The following RAB3GAP1 variants were observed in gnomAD, a reference collection of about 807,000 sequenced individuals.
The protein encoded by RAB3GAP1 is rab3 GTPase-activating protein catalytic subunit.
RAB3GAP1 carries 86 observed loss-of-function variants against 130.7 expected under a neutral mutation model. The observed-to-expected ratio is 0.66, with a 90% CI of 0.55 to 0.79. The LOEUF (loss-of-function observed/expected upper bound fraction) is 0.79, where lower values mean the gene tolerates loss of function less well. RAB3GAP1 is among the 30% of genes least tolerant of loss of function. The pLI, the probability that RAB3GAP1 is intolerant of heterozygous loss-of-function variation, is 0.00. For missense variants in RAB3GAP1, 1,029 were observed against 1,169.4 expected, an observed-to-expected ratio of 0.88 and a Z score of 1.75; for synonymous variants, 367 against 401.7, an observed-to-expected ratio of 0.91 and a Z score of 1.03.
chr2:135,162,862 T>G lies in RAB3GAP1; in HGVS notation c.2490+11T>G, dbSNP rs201367234. ...GACAAGAAATTGGAAGTAAGTTTGATGTAGTGTCAGAATCTTGCCAAGTGT... is the reference window on the plus strand; with the variant it reads ...GACAAGAAATTGGAAGTAAGTTTGAGGTAGTGTCAGAATCTTGCCAAGTGT... On this transcript the variant is annotated intron_variant, in intron 21 of 23. Coordinates refer to ENST00000264158, the MANE Select transcript of RAB3GAP1 (RefSeq NM_012233.3). The G allele has an allele frequency of 3.4e-5, 54 of 1,602,138 alleles. No individual in the cohort carries two copies. Among genetic ancestry groups the G allele is most frequent in the East Asian group, 2.9e-4 (13 of 44,810 alleles).
At position 135,153,638 on chromosome 2, in the gene RAB3GAP1, T is replaced by C; in HGVS notation, c.2062-11T>C. On this transcript the variant is annotated splice_polypyrimidine_tract_variant and intron_variant, in intron 18 of 23. Transcript: ENST00000264158. The stretch of plus-strand genomic sequence containing the variant: ...CATTTGATTCTGCTGAATTTTTTTG[T>C]CTTATTTTAGGCAGCTAATCCAGGT... 1 of 1,613,046 alleles carries C rather than the reference T, an allele frequency of 6.2e-7. No homozygotes were observed. The highest frequency in any genetic ancestry group is 1.1e-5 in the South Asian group (1 of 91,056).
downstream of RAB3GAP1, among the ~76,000 whole-genome samples, chr2:135,174,596 T>C (rs1192013690): frequency 6.6e-6 from 1 of 152,208 alleles, no homozygotes; most frequent in African/African-American, 2.4e-5. Flanking sequence ...CAGGACGATT[T>C]GAGTAAATAA....
intron 3 of RAB3GAP1, among the ~76,000 whole-genome samples, chr2:135,063,064 A>C (rs1689221510): frequency 6.6e-6 from 1 of 152,208 alleles, no homozygotes; most frequent in South Asian, 2.1e-4. Context: ...TGCTGCAAGT[A>C]GACATCCTTG....
intron 17 of RAB3GAP1, among the ~76,000 whole-genome samples, chr2:135,143,715 G>A (rs1221367032): frequency 2.6e-5 from 4 of 151,858 alleles, no homozygotes; most frequent in Non-Finnish European, 5.9e-5. Flanking sequence ...CCACCACCAC[G>A]CCTGGCTAAT....
At chr2:135,140,365 T>G (rs1691803626) in intron 17 of RAB3GAP1, among the ~76,000 whole-genome samples, 1 of 152,194 alleles carries the variant, frequency 6.6e-6, no homozygotes, top group South Asian at 2.1e-4. Context: ...CACCAACAAT[T>G]TATAGTAGTA....
At position 135,130,655 on chromosome 2, in the gene RAB3GAP1, A is replaced by C. The variant is rs1452175907; in HGVS notation, c.1170A>C (p.Lys390Asn). ...ATATGGTACACACTGCAAAGAAGAAAATCCGAAAACACAGAGGTGTAGAGG... is the reference window on the plus strand; with the variant it reads ...ATATGGTACACACTGCAAAGAAGAACATCCGAAAACACAGAGGTGTAGAGG... ...VSNMVHTAKK[K>N]IRKHRGVEES... is the part of the protein sequence containing the mutation. Residue 390 changes from lysine to asparagine, a missense_variant, in exon 13 of 24, where the codon AAA becomes AAC. Coordinates refer to ENST00000264158, the MANE Select transcript of RAB3GAP1 (RefSeq NM_012233.3). 6.2e-7 allele frequency: 1 copy of C among 1,613,794 alleles called. No individual in the cohort carries two copies. The highest frequency in any genetic ancestry group is 8.5e-7 in the Non-Finnish European group (1 of 1,179,858).
chr2:135,117,522 G>GCTTCTGCTT (rs1558784253), intron 7 of RAB3GAP1, among the ~76,000 whole-genome samples: 6 of 30,002 alleles, frequency 2.0e-4, no homozygotes, highest in Non-Finnish European at 6.1e-4. Context: ...TGCTTCTTCT[G>GCTTCTGCTT]CTTCTTCTGC....
At chr2:135,076,005 C>A (rs529385799) in intron 3 of RAB3GAP1, among the ~76,000 whole-genome samples, 1 of 150,498 alleles carries the variant, frequency 6.6e-6, no homozygotes, top group Non-Finnish European at 1.5e-5. Context: ...TCGCCTCCTG[C>A]GTTGAAGTGA....
chr2:135,160,419 C>CT, intron 19 of RAB3GAP1, among the ~76,000 whole-genome samples: 1 of 152,090 alleles, frequency 6.6e-6, no homozygotes, highest in Middle Eastern at 3.4e-3. Flanking sequence ...TGCCTGTAAT[C>CT]TCAGCACTTT....
intron 5 of RAB3GAP1, among the ~76,000 whole-genome samples, chr2:135,099,699 T>C (rs1173609798): frequency 2.0e-5 from 3 of 152,158 alleles, no homozygotes; most frequent in Non-Finnish European, 2.9e-5. Flanking sequence ...CTTTGAAACT[T>C]TCTGAGCCTG....
At chr2:135,119,926 G>A (rs1430077600) in intron 7 of RAB3GAP1, among the ~76,000 whole-genome samples, 1 of 152,162 alleles carries the variant, frequency 6.6e-6, no homozygotes, top group African/African-American at 2.4e-5. Flanking sequence ...TTAAATGATA[G>A]TATTAAGTTT....
chr2:135,117,537 T>TCTG (rs1691026965), intron 7 of RAB3GAP1, among the ~76,000 whole-genome samples: 3 of 134,530 alleles, frequency 2.2e-5, no homozygotes, highest in African/African-American at 2.7e-5. Flanking sequence ...TTCTGCTTCT[T>TCTG]CTTCTGCTTC....
At chr2:135,108,817 C>T (rs1473331351) in intron 5 of RAB3GAP1, among the ~76,000 whole-genome samples, 1 of 152,062 alleles carries the variant, frequency 6.6e-6, no homozygotes, top group Non-Finnish European at 1.5e-5. Context: ...TATAACTTTG[C>T]ATTTTATATT....
At chr2:135,147,639 C>T (rs1218367679) in intron 17 of RAB3GAP1, among the ~76,000 whole-genome samples, 5 of 123,538 alleles carry the variant, frequency 4.0e-5, no homozygotes, top group East Asian at 3.1e-4. Flanking sequence ...TTTTTTGACT[C>T]GGGGTCTCAC....
downstream of RAB3GAP1, among the ~76,000 whole-genome samples, chr2:135,171,848 C>A (rs1692863994): frequency 6.6e-6 from 1 of 152,032 alleles, no homozygotes; most frequent in South Asian, 2.1e-4. Context: ...GACACTTGGG[C>A]AGAGACTGAA....
At chr2:135,060,337 G>A (rs796953057) in intron 3 of RAB3GAP1, among the ~76,000 whole-genome samples, 3 of 140,386 alleles carry the variant, frequency 2.1e-5, no homozygotes, top group East Asian at 4.3e-4. Flanking sequence ...TCAGCTCACC[G>A]CAACCTCCAC....
chr2:135,068,394 T>C (rs1277298382), intron 3 of RAB3GAP1, among the ~76,000 whole-genome samples: 3 of 152,046 alleles, frequency 2.0e-5, no homozygotes, highest in Non-Finnish European at 4.4e-5. Flanking sequence ...AATTTCACTT[T>C]GAACTTAAAT....
Position 135,169,020 on chromosome 2 carries a change from G to T in RAB3GAP1, c.*239G>T. 1.6e-5 allele frequency: 5 copies of T among 309,284 alleles called. No individual in the cohort carries two copies. The highest frequency in any genetic ancestry group is 2.8e-5 in the South Asian group (1 of 35,886). The allele number at this position is 309,284 out of a possible 1,614,324, so 19.2% of individuals were successfully genotyped here. A position where few individuals can be genotyped will look rare whatever the true frequency, so the allele number is the denominator to read the frequency against. On this transcript the variant is annotated 3_prime_UTR_variant, in exon 24 of 24. Transcript: ENST00000264158. ...GATTTCTGCCCTAGAGATGGCCTTT[G>T]TATATGGGGGGGTGGTGGGGGGACA...
At chr2:135,104,114 T>G (rs547371456) in intron 5 of RAB3GAP1, among the ~76,000 whole-genome samples, 2 of 152,270 alleles carry the variant, frequency 1.3e-5, no homozygotes, top group South Asian at 4.1e-4. Context: ...ACCTGCAAAC[T>G]ATACAGACAA....
Sources: allele counts gnomAD v4.1 joint callset (sites outside exome capture counted in the v4.1 genomes callset), GRCh38; gene constraint gnomAD v4.1.1; transcripts MANE v1.5; gene names NCBI Gene and HGNC (gene_info 2026-07-23, HGNC 2026-07-21).